GMPS: variants seen among roughly 807,000 people sequenced by gnomAD.
GMPS encodes the protein guanosine monophosphate synthase, also known as GMP synthase [glutamine-hydrolyzing].
A neutral mutation model predicts 77.9 loss-of-function variants in GMPS; 15 were observed. The ratio of observed to expected loss-of-function variants is 0.19; its 90% CI spans 0.13 to 0.30. GMPS has a LOEUF of 0.30. GMPS is among the 10% of genes least tolerant of loss of function. The pLI, the probability that GMPS is intolerant of heterozygous loss-of-function variation, is 1.00. For synonymous variants in GMPS, 224 were observed against 275.9 expected, an observed-to-expected ratio of 0.81 and a Z score of 1.86; for missense variants, 590 against 838.8, an observed-to-expected ratio of 0.70 and a Z score of 3.66.
rs1331808578 is a variant in GMPS, at chr3:155,943,537, A to G, written c.*5845A>G. 1 of 178,794 alleles carries G rather than the reference A, an allele frequency of 5.6e-6. No individual in the cohort carries two copies. Among genetic ancestry groups the G allele is most frequent in the Non-Finnish European group, 1.2e-5 (1 of 83,302 alleles). 11.1% of individuals were successfully genotyped at this position (178,794 alleles called of 1,614,324 possible). A position where few individuals can be genotyped will look rare whatever the true frequency, so the allele number is the denominator to read the frequency against. On this transcript the variant is annotated 3_prime_UTR_variant, in exon 16 of 16. Transcript: ENST00000496455. The stretch of plus-strand genomic sequence containing the variant: ...GAAGTGAATGTAAACCTCCTTTTGA[A>G]CATATTTTTTATAAAGAAATATTTT...
At chr3:155,934,831 T>A in intron 13 of GMPS, 85 bp from the exon 14 acceptor site, 1 of 883,036 alleles carries the variant, frequency 1.1e-6, no homozygotes, top group Admixed American at 2.0e-5. Flanking sequence ...ATGTTACTGT[T>A]CTAAGTGCCT....
At chr3:155,919,076 G>C (rs1364806255) in intron 9 of GMPS, among the ~76,000 whole-genome samples, 157 bp from the exon 10 acceptor site, 1 of 152,140 alleles carries the variant, frequency 6.6e-6, no homozygotes, top group Non-Finnish European at 1.5e-5. Flanking sequence ...ATTCCTTATA[G>C]GCACTTAGGA....
chr3:155,928,760 C>A (rs1482697271), intron 12 of GMPS, among the ~76,000 whole-genome samples: 1 of 139,156 alleles, frequency 7.2e-6, no homozygotes, highest in African/African-American at 2.7e-5. Context: ...TTGTTCAATT[C>A]CCACCTATGA....
chr3:155,898,274 A>T lies in GMPS; in HGVS notation c.324+233A>T, dbSNP rs117121969. Among the ~76,000 whole-genome samples the T allele has an allele frequency of 4.6e-5, 7 of 152,306 alleles. No individual in the cohort carries two copies. The East Asian group carries it at 9.6e-4, about 21-fold the overall frequency. ...TCATGTAACAAAACACTATCCATTT[A>T]AAAAAACCTTGGACATGCAAATTTA... On this transcript the variant is annotated intron_variant, in intron 3 of 15. Transcript: ENST00000496455.
intron 15 of GMPS, 119 bp downstream of exon 15, chr3:155,936,629 T>C (rs1755771928): frequency 4.9e-6 from 3 of 618,258 alleles, no homozygotes; most frequent in Admixed American, 2.9e-5. Flanking sequence ...GTTCATAAGA[T>C]AGGCTTTTTT....
Position 155,940,396 on chromosome 3 carries a change from T to A in GMPS, c.*2704T>A, listed in dbSNP as rs550427637. The A allele has an allele frequency of 9.3e-5, 19 of 203,492 alleles. No homozygotes were observed. The East Asian group carries it at 1.4e-3, about 15-fold the overall frequency. 12.6% of individuals were successfully genotyped at this position (203,492 alleles called of 1,614,324 possible). ...GGTTACACTGTTTTCTAACCTTTTT[T>A]AAATCCCTTAATCTTGAGGTAAACT... is the stretch of plus-strand genomic sequence containing the variant. On this transcript the variant is annotated 3_prime_UTR_variant, in exon 16 of 16. Transcript: ENST00000496455.
chr3:155,891,330 C>G (rs1044662085), intron 1 of GMPS, among the ~76,000 whole-genome samples: 2 of 151,920 alleles, frequency 1.3e-5, no homozygotes, highest in African/African-American at 4.8e-5. Context: ...GAAATTTATG[C>G]AATAATGTAG....
intron 5 of GMPS, 85 bp downstream of exon 5, chr3:155,906,348 G>T (rs144023985): frequency 7.6e-6 from 5 of 656,460 alleles, no homozygotes; most frequent in African/African-American, 3.7e-5. Flanking sequence ...GGTACTCTTT[G>T]ATTTTTCCTT....
chr3:155,885,222 G>A (rs1347989755), intron 1 of GMPS, among the ~76,000 whole-genome samples: 2 of 152,152 alleles, frequency 1.3e-5, no homozygotes, highest in Non-Finnish European at 2.9e-5. Context: ...GTAGAGACTT[G>A]TATTTCCCAA....
intron 1 of GMPS, 84 bp from the exon 2 acceptor site, chr3:155,893,434 C>T (rs1472907824): frequency 2.4e-6 from 2 of 832,028 alleles, no homozygotes; most frequent in South Asian, 2.2e-5. Context: ...GTTTTTGGAG[C>T]TGACAGTGAT....
chr3:155,884,363 G>A (rs1754279801), intron 1 of GMPS, among the ~76,000 whole-genome samples: 1 of 148,762 alleles, frequency 6.7e-6, no homozygotes, highest in African/African-American at 2.5e-5. Flanking sequence ...TCCACCCTGG[G>A]CAACAGAGCG....
intron 3 of GMPS, among the ~76,000 whole-genome samples, chr3:155,903,306 C>G (rs1022587678): frequency 4.7e-4 from 72 of 152,120 alleles, no homozygotes; most frequent in Admixed American, 1.9e-3. Context: ...TGAAATCAGT[C>G]GATAAGCGTA....
intron 3 of GMPS, among the ~76,000 whole-genome samples, chr3:155,902,833 A>C (rs1407924814): frequency 6.6e-6 from 1 of 152,228 alleles, no homozygotes; most frequent in Non-Finnish European, 1.5e-5. Context: ...ATATTAGTTA[A>C]TGTGCTACAG....
At chr3:155,896,008 TG>T (rs1305842271) in intron 2 of GMPS, among the ~76,000 whole-genome samples, 2 of 151,836 alleles carry the variant, frequency 1.3e-5, no homozygotes, top group African/African-American at 2.4e-5. Flanking sequence ...TTTTTGTTTT[TG>T]TTTTTGTTTT....
At chr3:155,913,747 C>T (rs1755098084) in intron 7 of GMPS, among the ~76,000 whole-genome samples, 1 of 152,026 alleles carries the variant, frequency 6.6e-6, no homozygotes, top group African/African-American at 2.4e-5. Context: ...TCTCACACTG[C>T]TGACCTCAAG....
At chr3:155,911,336 T>C in intron 7 of GMPS, 57 bp downstream of exon 7, 1 of 1,117,822 alleles carries the variant, frequency 8.9e-7, no homozygotes, top group Non-Finnish European at 1.3e-6. Context: ...TAATCAAATC[T>C]AGTCTTATGG....
At chr3:155,903,832 TC>T in intron 3 of GMPS, 30 bp from the exon 4 acceptor site, 1 of 901,546 alleles carries the variant, frequency 1.1e-6, no homozygotes, top group Non-Finnish European at 1.7e-6. Context: ...TCTTTTGATT[TC>T]TATTAACATT....
chr3:155,881,221 G>A (rs769530591), intron 1 of GMPS, among the ~76,000 whole-genome samples: 3 of 147,790 alleles, frequency 2.0e-5, no homozygotes, highest in Non-Finnish European at 4.4e-5. Context: ...TGCCCAGGGC[G>A]GAATGCAATG....
chr3:155,888,844 C>T (rs1754399900), intron 1 of GMPS, among the ~76,000 whole-genome samples: 1 of 143,168 alleles, frequency 7.0e-6, no homozygotes, highest in Admixed American at 7.3e-5. Flanking sequence ...TTTGGCCTCC[C>T]AAAGTGCTGG....
Sources: gnomAD v4.1 joint callset for allele counts (sites outside exome capture counted in the v4.1 genomes callset) on GRCh38, gnomAD v4.1.1 for gene constraint, MANE v1.5 for transcripts, NCBI Gene and HGNC (gene_info 2026-07-23, HGNC 2026-07-21) for gene names.